CDKAL1: variants seen among roughly 807,000 people sequenced by gnomAD.
CDKAL1 encodes the protein threonylcarbamoyladenosine tRNA methylthiotransferase.
CDKAL1 carries 32 observed loss-of-function variants against 68.2 expected under a neutral mutation model. The ratio of observed to expected loss-of-function variants is 0.47; its 90% CI spans 0.35 to 0.63. The LOEUF (loss-of-function observed/expected upper bound fraction) is 0.63. CDKAL1 is among the 30% of genes least tolerant of loss of function. The pLI is 0.00. For synonymous variants in CDKAL1, 234 were observed against 244.3 expected (o/e 0.96, Z 0.39); for missense variants, 606 against 696.7 (o/e 0.87, Z 1.47).
At chr6:20,754,290 C>CTT (rs111711269) in intron 6 of CDKAL1, among the ~76,000 whole-genome samples, 5 of 152,094 alleles carry the variant, frequency 3.3e-5, no homozygotes, top group African/African-American at 1.2e-4. Context: ...GCCTGCCTGT[C>CTT]TTTTTGTTGG....
At chr6:20,558,482 G>C in intron 4 of CDKAL1, 3 of 456,152 alleles carry the variant, frequency 6.6e-6, no homozygotes, top group South Asian at 4.7e-5. Flanking sequence ...AAACAACTGG[G>C]GTTGAAACAG....
chr6:20,812,765 C>T (rs894637744), intron 8 of CDKAL1, among the ~76,000 whole-genome samples: 2 of 152,024 alleles, frequency 1.3e-5, no homozygotes, highest in Non-Finnish European at 2.9e-5. Flanking sequence ...AGGGCTATAC[C>T]AACATTTGTT....
chr6:20,891,450 G>A (rs1482425483), intron 9 of CDKAL1, among the ~76,000 whole-genome samples: 1 of 152,054 alleles, frequency 6.6e-6, no homozygotes, highest in Non-Finnish European at 1.5e-5. Flanking sequence ...CCCAACAGAC[G>A]CCGGGTGGCC....
intron 5 of CDKAL1, among the ~76,000 whole-genome samples, chr6:20,676,666 TAAA>T (rs1216464461): frequency 0.075 from 779 of 10,428 alleles, 6 homozygotes; most frequent in South Asian, 0.18. Context: ...GACTCTGTCT[TAAA>T]TAAATAAATA....
intron 15 of CDKAL1, among the ~76,000 whole-genome samples, chr6:21,206,078 G>A (rs542674659): frequency 9.2e-5 from 14 of 151,570 alleles, no homozygotes; most frequent in South Asian, 6.3e-4. Context: ...TGATCCGCCC[G>A]CCTTAGCCTC....
intron 5 of CDKAL1, among the ~76,000 whole-genome samples, chr6:20,674,425 T>G (rs984985290): frequency 1.3e-5 from 2 of 149,904 alleles, no homozygotes; most frequent in African/African-American, 5.1e-5. Context: ...TACATTTCTA[T>G]TTTTTTAGAG....
chr6:21,161,766 A>T (rs1041028427), intron 13 of CDKAL1, among the ~76,000 whole-genome samples: 2 of 152,198 alleles, frequency 1.3e-5, no homozygotes, highest in Non-Finnish European at 2.9e-5. Context: ...AGCAGACATA[A>T]TATAACACAT....
chr6:20,851,493 G>A (rs1759010463), intron 9 of CDKAL1, among the ~76,000 whole-genome samples: 1 of 152,190 alleles, frequency 6.6e-6, no homozygotes, highest in African/African-American at 2.4e-5. Context: ...GAATCAAAAT[G>A]TAGAGATGAT....
At chr6:21,160,773 C>T (rs1285872834) in intron 13 of CDKAL1, among the ~76,000 whole-genome samples, 1 of 150,764 alleles carries the variant, frequency 6.6e-6, no homozygotes, top group Non-Finnish European at 1.5e-5. Context: ...CATAGGTATA[C>T]ATGTGCCATG....
chr6:20,962,274 G>A (rs1765095657), intron 10 of CDKAL1, among the ~76,000 whole-genome samples: 1 of 152,100 alleles, frequency 6.6e-6, no homozygotes, highest in South Asian at 2.1e-4. Context: ...TATACTTATG[G>A]TACATGTCAT....
At chr6:21,002,678 G>A (rs947198123) in intron 11 of CDKAL1, among the ~76,000 whole-genome samples, 2 of 150,686 alleles carry the variant, frequency 1.3e-5, no homozygotes, top group African/African-American at 4.9e-5. Flanking sequence ...AAAAAAATCA[G>A]ATTATCACTG....
intron 5 of CDKAL1, among the ~76,000 whole-genome samples, chr6:20,659,700 C>G (rs375139838): frequency 1.3e-5 from 2 of 152,118 alleles, no homozygotes; most frequent in Non-Finnish European, 2.9e-5. Flanking sequence ...TCCTTGACTT[C>G]GCCATTTGGA....
chr6:21,012,095 C>A (rs1768056945), intron 11 of CDKAL1, among the ~76,000 whole-genome samples: 1 of 152,188 alleles, frequency 6.6e-6, no homozygotes, highest in African/African-American at 2.4e-5. Context: ...ATCTGCATTC[C>A]AAACAGTAGG....
At chr6:20,842,724 G>A (rs974171682) in intron 8 of CDKAL1, among the ~76,000 whole-genome samples, 24 of 152,202 alleles carry the variant, frequency 1.6e-4, no homozygotes, top group African/African-American at 3.4e-4. Flanking sequence ...CCAGCTACTC[G>A]GGAGCCTGAG....
At chr6:21,196,237 C>T (rs1778467056) in intron 13 of CDKAL1, among the ~76,000 whole-genome samples, 1 of 152,132 alleles carries the variant, frequency 6.6e-6, no homozygotes, top group African/African-American at 2.4e-5. Flanking sequence ...TGCAGATTTC[C>T]TTAAGAACCA....
At chr6:20,921,778 C>T (rs1561886236) in intron 9 of CDKAL1, among the ~76,000 whole-genome samples, 1 of 152,184 alleles carries the variant, frequency 6.6e-6, no homozygotes, top group African/African-American at 2.4e-5. Context: ...TTCTGTAGTT[C>T]TTATTCTTCC....
intron 9 of CDKAL1, among the ~76,000 whole-genome samples, chr6:20,952,810 T>C (rs923788734): frequency 1.3e-5 from 2 of 152,238 alleles, no homozygotes; most frequent in Non-Finnish European, 2.9e-5. Context: ...CTATGACTAA[T>C]CAGGAGACTT....
chr6:20,866,342 A>G (rs1759907225), intron 9 of CDKAL1, among the ~76,000 whole-genome samples: 1 of 152,206 alleles, frequency 6.6e-6, no homozygotes, highest in Admixed American at 6.5e-5. Flanking sequence ...AAAAGAAAAG[A>G]TTAGCATCTT....
At chr6:20,864,354 G>GT (rs1256140348) in intron 9 of CDKAL1, among the ~76,000 whole-genome samples, 2 of 152,044 alleles carry the variant, frequency 1.3e-5, no homozygotes, top group African/African-American at 2.4e-5. Context: ...AAATTATTGA[G>GT]TTTTTTTCTA....
Sources: allele counts gnomAD v4.1 joint callset (sites outside exome capture counted in the v4.1 genomes callset), GRCh38; gene constraint gnomAD v4.1.1; transcripts MANE v1.5; gene names NCBI Gene and HGNC (gene_info 2026-07-23, HGNC 2026-07-21).